The following AP2B1 variants were observed in gnomAD, a reference collection of about 807,000 sequenced individuals.
The protein encoded by AP2B1 is AP-2 complex subunit beta.
Under a neutral mutation model 102.0 loss-of-function variants are expected in AP2B1, and 23 were observed. The observed-to-expected ratio is 0.23, with a 90% CI of 0.16 to 0.32. The LOEUF (loss-of-function observed/expected upper bound fraction) is 0.32. Among genes scored for constraint, AP2B1 ranks in the 10% least tolerant of loss-of-function variants. The probability of loss-of-function intolerance (pLI) is 1.00; values close to 1 mark genes in which losing one functional copy is unlikely to be tolerated. For synonymous variants in AP2B1, 381 were observed against 421.2 expected (o/e 0.90, Z 1.17); for missense variants, 541 against 1,157.4 (o/e 0.47, Z 7.73).
chr17:35,698,159 G>A (rs1482198466), intron 18 of AP2B1, among the ~76,000 whole-genome samples: 5 of 152,156 alleles, frequency 3.3e-5, no homozygotes, highest in Non-Finnish European at 7.4e-5. Flanking sequence ...TACTTTGGTG[G>A]GAAATCGGTG....
intron 21 of AP2B1, among the ~76,000 whole-genome samples, chr17:35,720,565 ATATATATATTTTTT>A (rs1258670566): frequency 0.018 from 950 of 52,366 alleles, 18 homozygotes; most frequent in Admixed American, 0.088. Context: ...ATATATATAT[ATATATATATTTTTT>A]TTTTTTTTTT....
chr17:35,694,002 A>T (rs765620743), intron 18 of AP2B1, among the ~76,000 whole-genome samples: 3 of 152,180 alleles, frequency 2.0e-5, no homozygotes, highest in Admixed American at 1.3e-4. Flanking sequence ...TAATCTGAGG[A>T]TGTATGCTTA....
At chr17:35,627,594 G>A in intron 8 of AP2B1, 37 bp from the exon 9 acceptor site, 1 of 1,613,016 alleles carries the variant, frequency 6.2e-7, no homozygotes. Context: ...TGCTATTTGA[G>A]AATCCTTAAT....
intron 14 of AP2B1, among the ~76,000 whole-genome samples, chr17:35,661,622 A>C (rs1416313102): frequency 6.6e-6 from 1 of 152,264 alleles, no homozygotes; most frequent in Non-Finnish European, 1.5e-5. Flanking sequence ...ATGGTCGCTC[A>C]GTCCCAGGGT....
chr17:35,605,301 T>G (rs1438470407), intron 3 of AP2B1, among the ~76,000 whole-genome samples: 1 of 150,912 alleles, frequency 6.6e-6, no homozygotes, highest in African/African-American at 2.4e-5. Flanking sequence ...CAGGCTGGAG[T>G]GCAATGGTGT....
intron 9 of AP2B1, among the ~76,000 whole-genome samples, chr17:35,630,326 T>C (rs1053003102): frequency 6.6e-6 from 1 of 152,276 alleles, no homozygotes; most frequent in African/African-American, 2.4e-5. Context: ...TAAAGTCTTT[T>C]TGTTGGATCT....
chr17:35,661,074 A>G (rs1457926907), intron 14 of AP2B1, among the ~76,000 whole-genome samples: 2 of 152,110 alleles, frequency 1.3e-5, no homozygotes, highest in Non-Finnish European at 2.9e-5. Context: ...TTCTATTTTT[A>G]TCATGGGTTT....
At position 35,627,245 on chromosome 17, in the gene AP2B1, C is replaced by CTTTTTTTTTTTTTTTT. The variant is rs569701571; in HGVS notation, c.939-131_939-116dup. ...TAGAGGCGTATAGAGGAAGTTTATG[C>CTTTTTTTTTTTTTTTT]TTTTTTTTTTTTTTTTTTTTTTTTG... is the stretch of plus-strand genomic sequence containing the variant. On this transcript the variant is annotated intron_variant, in intron 7 of 21. Transcript: ENST00000610402. 2.2e-5 allele frequency: 4 copies of CTTTTTTTTTTTTTTTT among 178,502 alleles called. 1 individual carries two copies. The highest frequency in any genetic ancestry group is 3.0e-5 in the Non-Finnish European group (3 of 99,676). 11.1% of individuals were successfully genotyped at this position (178,502 alleles called of 1,614,324 possible). A position where few individuals can be genotyped will look rare whatever the true frequency, so the allele number is the denominator to read the frequency against.
intron 14 of AP2B1, chr17:35,659,873 G>C: frequency 1.0e-6 from 1 of 985,256 alleles, no homozygotes; most frequent in Non-Finnish European, 1.2e-6. Context: ...CTTTGGATCC[G>C]TATGTGGTTA....
intron 21 of AP2B1, among the ~76,000 whole-genome samples, chr17:35,720,360 T>C (rs1471127418): frequency 6.6e-6 from 1 of 151,298 alleles, no homozygotes; most frequent in East Asian, 1.9e-4. Flanking sequence ...AAATTGTTCC[T>C]AAACCAGAAG....
chr17:35,631,563 CTT>C (rs937057403), intron 9 of AP2B1, among the ~76,000 whole-genome samples: 1 of 148,914 alleles, frequency 6.7e-6, no homozygotes, highest in Non-Finnish European at 1.5e-5. Context: ...TTATCCTCTA[CTT>C]TTTTTTTTCT....
chr17:35,640,163 C>T (rs555069667), intron 11 of AP2B1, among the ~76,000 whole-genome samples: 32 of 149,262 alleles, frequency 2.1e-4, no homozygotes, highest in African/African-American at 5.9e-4. Context: ...GTGATCCACC[C>T]GCCTCGGCCT....
chr17:35,622,236 G>A (rs2074200212), intron 5 of AP2B1, among the ~76,000 whole-genome samples: 1 of 152,162 alleles, frequency 6.6e-6, no homozygotes. Context: ...TAGTATATCT[G>A]TAACCATATT....
At chr17:35,712,568 G>T (rs2076473207) in intron 20 of AP2B1, among the ~76,000 whole-genome samples, 1 of 152,070 alleles carries the variant, frequency 6.6e-6, no homozygotes, top group South Asian at 2.1e-4. Context: ...GGCGGAGCTT[G>T]CAGTGAGCCA....
At chr17:35,600,434 A>C (rs992390818) in intron 3 of AP2B1, among the ~76,000 whole-genome samples, 2 of 152,192 alleles carry the variant, frequency 1.3e-5, no homozygotes, top group African/African-American at 4.8e-5. Flanking sequence ...CAAAAAAAAA[A>C]AGAAAATAAG....
intron 5 of AP2B1, among the ~76,000 whole-genome samples, chr17:35,619,322 T>A (rs1043506369): frequency 6.6e-5 from 10 of 152,200 alleles, no homozygotes; most frequent in African/African-American, 2.4e-5. Context: ...ATTAGTATAA[T>A]GTAAGTAAAA....
intron 14 of AP2B1, chr17:35,659,887 A>T (rs1044151212): frequency 1.3e-5 from 13 of 985,234 alleles, no homozygotes; most frequent in African/African-American, 1.7e-5. Flanking sequence ...GTGGTTAAAT[A>T]TATATTCACT....
At chr17:35,676,424 C>T (rs916727667) in intron 17 of AP2B1, among the ~76,000 whole-genome samples, 4 of 152,000 alleles carry the variant, frequency 2.6e-5, no homozygotes, top group African/African-American at 9.7e-5. Flanking sequence ...TAGCATAATG[C>T]TTTTGAAATG....
intron 11 of AP2B1, 80 bp from the exon 12 acceptor site, chr17:35,641,797 G>C: frequency 9.4e-7 from 1 of 1,069,020 alleles, no homozygotes; most frequent in East Asian, 2.4e-5. Context: ...TCATAGTTGG[G>C]GAAACACCAC....
Sources: gnomAD v4.1 joint callset for allele counts (sites outside exome capture counted in the v4.1 genomes callset) on GRCh38, gnomAD v4.1.1 for gene constraint, MANE v1.5 for transcripts, NCBI Gene and HGNC (gene_info 2026-07-23, HGNC 2026-07-21) for gene names.